The following AGAP1 variants were observed in gnomAD, a reference collection of about 807,000 sequenced individuals.
AGAP1 encodes the protein arf-GAP with GTPase, ANK repeat and PH domain-containing protein 1.
AGAP1 carries 29 observed loss-of-function variants against 105.3 expected under a neutral mutation model. That is an observed-to-expected ratio of 0.28 (90% CI 0.21 to 0.38). The LOEUF (loss-of-function observed/expected upper bound fraction) is 0.38, where lower values mean the gene tolerates loss of function less well. AGAP1 is among the 10% of genes least tolerant of loss of function. The pLI, the probability that AGAP1 is intolerant of heterozygous loss-of-function variation, is 1.00. For synonymous variants in AGAP1, 509 were observed against 485.9 expected (o/e 1.05, Z -0.63); for missense variants, 998 against 1,165.1 (o/e 0.86, Z 2.09).
chr2:236,070,521 A>G (rs2058468325), intron 16 of AGAP1, among the ~76,000 whole-genome samples: 1 of 152,252 alleles, frequency 6.6e-6, no homozygotes, highest in Admixed American at 6.5e-5. Flanking sequence ...CGTTCCTATT[A>G]GCTACACAGT....
chr2:236,052,273 T>C (rs946273561), intron 16 of AGAP1, among the ~76,000 whole-genome samples: 3 of 152,212 alleles, frequency 2.0e-5, no homozygotes, highest in African/African-American at 7.2e-5. Context: ...AGATTCATTC[T>C]GACAGTGGAA....
At chr2:235,584,620 C>T (rs1006199666) in intron 1 of AGAP1, among the ~76,000 whole-genome samples, 1 of 151,782 alleles carries the variant, frequency 6.6e-6, no homozygotes, top group African/African-American at 2.4e-5. Flanking sequence ...TCCCCTCCCC[C>T]AGCCTTCATA....
Position 235,767,777 on chromosome 2 carries a change from C to CTTTT in AGAP1, c.673+17311_673+17314dup, listed in dbSNP as rs71414307. On this transcript the variant is annotated intron_variant, in intron 6 of 17. Transcript: ENST00000304032. ...GGTATAGAATCTTCCAGTTTCTTGT[C>CTTTT]TTTTTTTTTTTTTTTTTTTTTTTTT... 3.8e-3 allele frequency among the ~76,000 whole-genome samples: 234 copies of CTTTT among 61,998 alleles called. 6 individuals are homozygous for CTTTT. The highest frequency in any genetic ancestry group is 0.017 in the Middle Eastern group (1 of 60). 40.7% of individuals were successfully genotyped at this position (61,998 alleles called of 152,430 possible). A position where few individuals can be genotyped will look rare whatever the true frequency, so the allele number is the denominator to read the frequency against.
In AGAP1 at chr2:235,610,076, G is replaced by A. The variant is rs1202752822; in HGVS notation, c.164-99103G>A. Among the ~76,000 whole-genome samples the A allele has an allele frequency of 6.6e-6, 1 of 152,126 alleles. No individual in the cohort carries two copies. The highest frequency in any genetic ancestry group is 6.5e-5 in the Admixed American group (1 of 15,278). On this transcript the variant is annotated intron_variant, in intron 1 of 17. Coordinates refer to ENST00000304032, the MANE Select transcript of AGAP1 (RefSeq NM_001037131.3). The surrounding 1 kb of genome is among the most constrained non-coding windows in gnomAD (Gnocchi z 4.9). ...TGCATTTGCCCCAACTCTGTGCAGG[G>A]CCAGCACTTTTAGCTCCTAGTCACA...
chr2:235,792,783 A>G lies in AGAP1; in HGVS notation c.674-4976A>G, dbSNP rs116341039. 1.8e-3 allele frequency among the ~76,000 whole-genome samples: 269 copies of G among 152,310 alleles called. No individual in the cohort carries two copies. Among genetic ancestry groups the G allele is most frequent in the African/African-American group, 6.1e-3 (254 of 41,578 alleles). On this transcript the variant is annotated intron_variant, in intron 6 of 17. Transcript: ENST00000304032. The surrounding 1 kb of genome is among the most constrained non-coding windows in gnomAD (Gnocchi z 5.3). The stretch of plus-strand genomic sequence containing the variant: ...GCGGCGCGGACTTGAAGGCGCCTCT[A>G]GCAGATCCAAGGGGAGATGCCGAGT...
chr2:235,540,340 C>T (rs537866356), intron 1 of AGAP1, among the ~76,000 whole-genome samples: 3 of 152,070 alleles, frequency 2.0e-5, no homozygotes, highest in East Asian at 3.9e-4. Context: ...TTAGTCAAGA[C>T]GGGGTTTTGC....
At chr2:235,685,444 T>G (rs901012099) in intron 1 of AGAP1, among the ~76,000 whole-genome samples, 1 of 151,288 alleles carries the variant, frequency 6.6e-6, no homozygotes, top group African/African-American at 2.4e-5. Flanking sequence ...CGGCCTCTCA[T>G]CACCTCGATA....
chr2:235,969,895 A>G (rs761401434), intron 13 of AGAP1, among the ~76,000 whole-genome samples: 10 of 152,096 alleles, frequency 6.6e-5, no homozygotes, highest in Non-Finnish European at 1.5e-4. Context: ...CTGCTAACAT[A>G]TTTAGCCAAT....
In AGAP1 at chr2:236,001,222, A is replaced by G. The variant is rs1186798829; in HGVS notation, c.1645+32599A>G. ...CCACCATCAGAAACCAAGAGAAAGG[A>G]AAGGGACAGGTCCTCCGGGGAGCCT... On this transcript the variant is annotated intron_variant, in intron 13 of 17. Coordinates refer to ENST00000304032, the MANE Select transcript of AGAP1 (RefSeq NM_001037131.3). The surrounding 1 kb of genome is among the most constrained non-coding windows in gnomAD (Gnocchi z 4.7). Among the ~76,000 whole-genome samples the G allele has an allele frequency of 6.6e-6, 1 of 152,146 alleles. No homozygotes were observed. The highest frequency in any genetic ancestry group is 2.4e-5 in the African/African-American group (1 of 41,436).
At chr2:236,028,442 A>G (rs2057122664) in intron 13 of AGAP1, among the ~76,000 whole-genome samples, 1 of 152,166 alleles carries the variant, frequency 6.6e-6, no homozygotes, top group South Asian at 2.1e-4. Flanking sequence ...GCTCATTCAC[A>G]AGTCTTTGTA....
At chr2:235,938,329 C>A (rs1360877241) in intron 12 of AGAP1, among the ~76,000 whole-genome samples, 4 of 152,242 alleles carry the variant, frequency 2.6e-5, no homozygotes, top group Non-Finnish European at 5.9e-5. Flanking sequence ...TTCAAACAGC[C>A]TGTGTCATAA....
At chr2:235,772,801 C>T (rs956799228) in intron 6 of AGAP1, among the ~76,000 whole-genome samples, 3 of 152,202 alleles carry the variant, frequency 2.0e-5, no homozygotes, top group Non-Finnish European at 4.4e-5. Context: ...AGGCCGCCCT[C>T]GGAGCCTGGG....
intron 1 of AGAP1, among the ~76,000 whole-genome samples, chr2:235,686,586 C>T (rs187360660): frequency 0.019 from 2,430 of 129,132 alleles, 120 homozygotes; most frequent in African/African-American, 0.071. Flanking sequence ...CACACACACA[C>T]ACGTGTGTGT....
chr2:235,784,455 A>G (rs1956482995), intron 6 of AGAP1, among the ~76,000 whole-genome samples: 1 of 152,216 alleles, frequency 6.6e-6, no homozygotes, highest in Non-Finnish European at 1.5e-5. Context: ...ACTTAACATT[A>G]TTAGTCACAA....
Position 236,087,915 on chromosome 2 carries a change from T to C in AGAP1, c.2115-32277T>C, listed in dbSNP as rs1165695326. ...ACCTGCTTAAAGATGTGTAAAGACCTTGAACATCAGCATCTGGCACAGCCA... is the reference window on the plus strand; with the variant it reads ...ACCTGCTTAAAGATGTGTAAAGACCCTGAACATCAGCATCTGGCACAGCCA... On this transcript the variant is annotated intron_variant, in intron 16 of 17. Transcript: ENST00000304032. The surrounding 1 kb of genome is among the most constrained non-coding windows in gnomAD (Gnocchi z 5.7). 6.6e-6 allele frequency among the ~76,000 whole-genome samples: 1 copy of C among 152,176 alleles called. No individual in the cohort carries two copies. The highest frequency in any genetic ancestry group is 1.9e-4 in the East Asian group (1 of 5,194).
In AGAP1 at chr2:236,061,294, T is replaced by C. The variant is rs2058188097; in HGVS notation, c.2114+12013T>C. ...GCCACTTGGGAAGATAGTCTGGCAC[T>C]TCCTCGAAAAGTTAAACCTAGAGTT... On this transcript the variant is annotated intron_variant, in intron 16 of 17. Transcript: ENST00000304032. The surrounding 1 kb of genome is among the most constrained non-coding windows in gnomAD (Gnocchi z 4.1). Among the ~76,000 whole-genome samples the C allele has an allele frequency of 6.6e-6, 1 of 152,166 alleles. No homozygotes were observed. Among genetic ancestry groups the C allele is most frequent in the Non-Finnish European group, 1.5e-5 (1 of 68,030 alleles).
intron 16 of AGAP1, among the ~76,000 whole-genome samples, chr2:236,059,051 G>A (rs2058119033): frequency 6.6e-6 from 1 of 151,980 alleles, no homozygotes; most frequent in South Asian, 2.1e-4. Context: ...AAAAGGCCAG[G>A]TGCAGTGGCT....
Position 236,121,448 on chromosome 2 carries a change from G to C in AGAP1, c.2370+1001G>C, listed in dbSNP as rs1283853469. 1.3e-5 allele frequency among the ~76,000 whole-genome samples: 2 copies of C among 152,060 alleles called. No individual in the cohort carries two copies. The highest frequency in any genetic ancestry group is 2.1e-4 in the South Asian group (1 of 4,820). ...CCCAGGAAGCTGGGATTACAGGTGC[G>C]CACCACCACGCCCAGCTAATTTTTG... On this transcript the variant is annotated intron_variant, in intron 17 of 17. Transcript: ENST00000304032. This position sits in a 1 kb window ranked among gnomAD's most constrained non-coding sequence, Gnocchi z 4.9.
At chr2:235,810,404 C>G (rs747111582) in intron 9 of AGAP1, among the ~76,000 whole-genome samples, 10 of 152,194 alleles carry the variant, frequency 6.6e-5, no homozygotes, top group African/African-American at 9.7e-5. Context: ...TGCCTAATGG[C>G]AGAGGAGTCG....
Sources: gnomAD v4.1 joint callset for allele counts (sites outside exome capture counted in the v4.1 genomes callset) on GRCh38, gnomAD v4.1.1 for gene constraint, Gnocchi (gnomAD v3.1) non-coding constraint, MANE v1.5 for transcripts, NCBI Gene and HGNC (gene_info 2026-07-23, HGNC 2026-07-21) for gene names.